PAX5: variants seen among roughly 807,000 people sequenced by gnomAD.
PAX5 encodes the protein paired box 5.
In PAX5, 9 loss-of-function variants were observed where a neutral mutation model predicts 43.7. The ratio of observed to expected loss-of-function variants is 0.21; its 90% CI spans 0.12 to 0.36. PAX5 has a LOEUF of 0.36. Among genes scored for constraint, PAX5 ranks in the 10% least tolerant of loss-of-function variants. The pLI, the probability that PAX5 is intolerant of heterozygous loss-of-function variation, is 1.00. For synonymous variants in PAX5, 228 were observed against 214.3 expected (o/e 1.06, Z -0.56); for missense variants, 383 against 532.7 (o/e 0.72, Z 2.77).
Position 36,859,838 on chromosome 9 carries a change from T to G in PAX5, c.1013-12909A>C, listed in dbSNP as rs1402434593. 2.0e-5 allele frequency among the ~76,000 whole-genome samples: 3 copies of G among 148,554 alleles called. No individual in the cohort carries two copies. In the East Asian group the frequency reaches 6.0e-4, roughly 30 times the overall value. The stretch of plus-strand genomic sequence containing the variant: ...TCACGAGGTCAGGAGATCGAGACCA[T>G]CCTGGCTAACACGGTGAAACCCCAC... On this transcript the variant is annotated intron_variant, in intron 8 of 9. Coordinates refer to ENST00000358127, the MANE Select transcript of PAX5 (RefSeq NM_016734.3).
At chr9:36,930,129 T>C (rs1303383314) in intron 6 of PAX5, among the ~76,000 whole-genome samples, 1 of 151,778 alleles carries the variant, frequency 6.6e-6, no homozygotes, top group Non-Finnish European at 1.5e-5. Context: ...GCTTGTCCTC[T>C]GAAATATCAG....
At chr9:36,923,293 A>G in intron 7 of PAX5, 62 bp downstream of exon 7, 8 of 1,555,920 alleles carry the variant, frequency 5.1e-6, no homozygotes, top group Non-Finnish European at 7.0e-6. Flanking sequence ...CACTCTTCCC[A>G]CCACACACTC....
chr9:37,006,672 T>A (rs1838421057), intron 3 of PAX5, 135 bp from the exon 4 acceptor site: 1 of 706,614 alleles, frequency 1.4e-6, no homozygotes, highest in South Asian at 1.7e-5. Flanking sequence ...GGGGCAGAGG[T>A]GGAGGGAGAT....
At chr9:36,842,756 AGCCGGCCTTTCTTCCT>A (rs1319756693) in intron 9 of PAX5, among the ~76,000 whole-genome samples, 3 of 152,154 alleles carry the variant, frequency 2.0e-5, no homozygotes, top group Non-Finnish European at 4.4e-5. Context: ...AATTGACCGC[AGCCGGCCTTTCTTCCT>A]GCCGGGACCG....
intron 7 of PAX5, among the ~76,000 whole-genome samples, chr9:36,906,022 G>A (rs943072981): frequency 3.9e-5 from 6 of 152,144 alleles, no homozygotes; most frequent in African/African-American, 1.4e-4. Context: ...GAAAGAACAG[G>A]CAGAAACGGA....
chr9:36,985,984 C>T (rs1349455257), intron 5 of PAX5, among the ~76,000 whole-genome samples: 3 of 152,178 alleles, frequency 2.0e-5, no homozygotes, highest in Non-Finnish European at 2.9e-5. Context: ...TCAAGAACTC[C>T]CATCCCGGTT....
At position 36,929,277 on chromosome 9, in the gene PAX5, G is replaced by A. The variant is rs11506618; in HGVS notation, c.781-5793C>T. 7.3e-5 allele frequency among the ~76,000 whole-genome samples: 11 copies of A among 150,110 alleles called. No homozygotes were observed. In the South Asian group the frequency reaches 8.5e-4, roughly 12 times the overall value. The stretch of plus-strand genomic sequence containing the variant: ...AGGAAGGAAGGAAGGAAGGAAGGAA[G>A]GAAGGAAGGAAGGATGGATGAGAGA... On this transcript the variant is annotated intron_variant, in intron 6 of 9. Transcript: ENST00000358127.
chr9:36,943,529 T>TTCTCACAC (rs35815065), intron 6 of PAX5, among the ~76,000 whole-genome samples: 29 of 146,014 alleles, frequency 2.0e-4, no homozygotes, highest in Non-Finnish European at 3.8e-4. Flanking sequence ...TAGTTCAACA[T>TTCTCACAC]ACACACACAC....
chr9:36,847,972 G>A (rs1464635235), intron 8 of PAX5, among the ~76,000 whole-genome samples: 4 of 152,192 alleles, frequency 2.6e-5, no homozygotes, highest in Non-Finnish European at 5.9e-5. Flanking sequence ...CCAGTACCCG[G>A]CAGACTGTAT....
chr9:36,997,983 G>A (rs1837535391), intron 5 of PAX5, among the ~76,000 whole-genome samples: 1 of 152,212 alleles, frequency 6.6e-6, no homozygotes, highest in Non-Finnish European at 1.5e-5. Context: ...GTCCGAACCA[G>A]AATGTCATCC....
intron 8 of PAX5, among the ~76,000 whole-genome samples, chr9:36,858,454 C>T (rs1011236928): frequency 4.6e-5 from 7 of 152,180 alleles, no homozygotes; most frequent in Non-Finnish European, 5.9e-5. Flanking sequence ...GGGAAACAGA[C>T]AAGATTGGTT....
chr9:36,972,078 T>C (rs2132226356), intron 5 of PAX5, among the ~76,000 whole-genome samples: 2 of 152,314 alleles, frequency 1.3e-5, no homozygotes, highest in East Asian at 3.9e-4. Flanking sequence ...AACAGGAATC[T>C]CTGAAATCCC....
chr9:36,885,645 C>G (rs1256672782), intron 7 of PAX5, among the ~76,000 whole-genome samples: 3 of 152,128 alleles, frequency 2.0e-5, no homozygotes, highest in Non-Finnish European at 2.9e-5. Context: ...GGCTTGCAAG[C>G]CTGCCCTCTC....
chr9:36,874,295 C>T (rs887523618), intron 8 of PAX5, among the ~76,000 whole-genome samples: 11 of 152,206 alleles, frequency 7.2e-5, no homozygotes, highest in Non-Finnish European at 1.0e-4. Context: ...GGGGCATCTG[C>T]ATATTTCTGT....
intron 8 of PAX5, among the ~76,000 whole-genome samples, chr9:36,867,067 G>GC (rs1824963854): frequency 7.7e-6 from 1 of 129,886 alleles, no homozygotes; most frequent in East Asian, 2.5e-4. Flanking sequence ...TGGTGGGGGG[G>GC]GGGCCTTGGT....
intron 7 of PAX5, among the ~76,000 whole-genome samples, chr9:36,905,650 C>A (rs984874984): frequency 6.6e-6 from 1 of 152,078 alleles, no homozygotes; most frequent in Admixed American, 6.6e-5. Context: ...TTCCACTGGG[C>A]AGCTTCATAG....
At chr9:36,914,858 G>T (rs1829604130) in intron 7 of PAX5, among the ~76,000 whole-genome samples, 1 of 152,156 alleles carries the variant, frequency 6.6e-6, no homozygotes, top group Non-Finnish European at 1.5e-5. Context: ...GCATCTGTGT[G>T]TCTATCCTTT....
chr9:36,978,024 A>G (rs1350970632), intron 5 of PAX5, among the ~76,000 whole-genome samples: 1 of 152,256 alleles, frequency 6.6e-6, no homozygotes, highest in Non-Finnish European at 1.5e-5. Context: ...ACTATCCATT[A>G]TCCAGAACCT....
chr9:36,876,463 C>T (rs1048736729), intron 8 of PAX5, among the ~76,000 whole-genome samples: 24 of 152,238 alleles, frequency 1.6e-4, no homozygotes, highest in Non-Finnish European at 3.4e-4. Context: ...CTCAGACTTA[C>T]TAAAGCCAAA....
Sources: gnomAD v4.1 joint callset for allele counts (sites outside exome capture counted in the v4.1 genomes callset) on GRCh38, gnomAD v4.1.1 for gene constraint, MANE v1.5 for transcripts, NCBI Gene and HGNC (gene_info 2026-07-23, HGNC 2026-07-21) for gene names.